Variants in MORN1 observed in about 807,000 individuals in gnomAD.
MORN1 encodes the protein MORN repeat containing 1, also known as MORN repeat-containing protein 1.
MORN1 carries 67 observed loss-of-function variants against 61.9 expected under a neutral mutation model. That is an observed-to-expected ratio of 1.08 (90% CI 0.89 to 1.33). MORN1 has a LOEUF of 1.33. MORN1 is among the 40% of genes most tolerant of loss of function. MORN1 has a pLI of 0.00. For synonymous variants in MORN1, 301 were observed against 292.0 expected (o/e 1.03, Z -0.31); for missense variants, 752 against 691.2 (o/e 1.09, Z -0.99).
At chr1:2,363,769 G>GA (rs57931639) in intron 8 of MORN1, 4 of 137,700 alleles carry the variant, frequency 2.9e-5, no homozygotes, top group African/African-American at 1.1e-4. Flanking sequence ...TCTCAAAAAA[G>GA]AAAAAATCAG....
chr1:2,325,289 T>TCC (rs757851446), intron 12 of MORN1, among the ~76,000 whole-genome samples: 1 of 138,184 alleles, frequency 7.2e-6, no homozygotes, highest in Non-Finnish European at 1.5e-5. Flanking sequence ...CTCTCTCTCC[T>TCC]CTCTCTCTCT....
chr1:2,357,465 G>T lies in MORN1; in HGVS notation c.1003C>A (p.His335Asn), dbSNP rs1557880285. 6.2e-7 allele frequency: 1 copy of T among 1,611,694 alleles called. No individual in the cohort carries two copies. Among genetic ancestry groups the T allele is most frequent in the African/African-American group, 1.3e-5 (1 of 74,838 alleles). Residue 335 changes from histidine to asparagine, a missense_variant, in exon 10 of 14, where the codon CAT (histidine) becomes AAT (asparagine). Transcript: ENST00000378531. The surrounding 1 kb of genome is among the most constrained non-coding windows in gnomAD (Gnocchi z 6.3). ...CCACCAGGGGTGTCCTCCTGGCCAT[G>T]GAGGGCACCCAAATGCAGCTCCAGG... ...GDLELHLGALHGQEDTPGGLL... is the reference protein window; with the variant it reads ...GDLELHLGALNGQEDTPGGLL...
chr1:2,322,664 C>T (rs1007774639), intron 13 of MORN1: 10 of 985,344 alleles, frequency 1.0e-5, no homozygotes, highest in African/African-American at 7.0e-5. Context: ...CCCTGGCGGG[C>T]GGAGGAAGAG....
intron 10 of MORN1, among the ~76,000 whole-genome samples, chr1:2,342,892 T>TTTTA (rs1428669057): frequency 3.2e-4 from 45 of 139,658 alleles, no homozygotes; most frequent in African/African-American, 9.9e-4. Flanking sequence ...TTTTATTTTA[T>TTTTA]TTTATTTTAT....
At chr1:2,329,559 C>T (rs188665591) in intron 12 of MORN1, among the ~76,000 whole-genome samples, 2 of 152,264 alleles carry the variant, frequency 1.3e-5, no homozygotes, top group East Asian at 1.9e-4. Context: ...AAGACCACAG[C>T]CAGGTGCAGC....
chr1:2,374,047 C>T (rs1041532944), intron 7 of MORN1, among the ~76,000 whole-genome samples: 10 of 152,164 alleles, frequency 6.6e-5, no homozygotes, highest in Admixed American at 1.3e-4. Context: ...ATTGAGAGGC[C>T]ACCCAGAGGC....
rs116550976 is a variant in MORN1 at position 2,372,561 on chromosome 1, G to T, written c.665C>A (p.Pro222Gln). 18,156 of 1,613,040 alleles carry T rather than the reference G, an allele frequency of 0.011. 152 individuals carry two copies. The highest frequency in any genetic ancestry group is 0.013 in the Non-Finnish European group (15,743 of 1,179,684). The part of the protein sequence containing the change: ...EQATRIVILG[P>Q]EVMEVAQGSP... ...CCCTTGGGCCACTTCCATCACCTCC[G>T]GACCCAAGATCACGATCCTCGTAGC... Residue 222 changes from proline (P) to glutamine (Q), a missense_variant, in exon 8 of 14, where the codon CCG becomes CAG. Physicochemically the swap from Pro to Gln is moderately conservative, Grantham distance 76 (BLOSUM62 -1). Transcript: ENST00000378531. The surrounding 1 kb of genome is among the most constrained non-coding windows in gnomAD (Gnocchi z 5.4).
Position 2,357,320 on chromosome 1 carries a change from G to A in MORN1, c.1036+112C>T. On this transcript the variant is annotated intron_variant, in intron 10 of 13. Coordinates refer to ENST00000378531, the MANE Select transcript of MORN1 (RefSeq NM_024848.3). The surrounding 1 kb of genome is among the most constrained non-coding windows in gnomAD (Gnocchi z 6.3). Reference sequence around the variant, plus strand: ...CACCCACGCGTGATGACTGACCCTGGGTGCGGCTTGCTCCTGCTCTGGCCT... The same window carrying A: ...CACCCACGCGTGATGACTGACCCTGAGTGCGGCTTGCTCCTGCTCTGGCCT... The A allele has an allele frequency of 8.4e-7, 1 of 1,196,548 alleles. No homozygotes were observed. Among genetic ancestry groups the A allele is most frequent in the East Asian group, 2.6e-5 (1 of 39,104 alleles). The allele number at this position is 1,196,548 out of a possible 1,614,324, so 74.1% of individuals were successfully genotyped here.
At chr1:2,347,347 G>A (rs1226196918) in intron 10 of MORN1, among the ~76,000 whole-genome samples, 3 of 152,192 alleles carry the variant, frequency 2.0e-5, no homozygotes, top group East Asian at 1.9e-4. Flanking sequence ...GGTGGCAGAT[G>A]GCCCGTGTGT....
chr1:2,358,990 C>G (rs1291714858), intron 8 of MORN1, among the ~76,000 whole-genome samples: 1 of 152,178 alleles, frequency 6.6e-6, no homozygotes, highest in Non-Finnish European at 1.5e-5. Flanking sequence ...GCCTCAGGTC[C>G]TGGATCCTGA....
intron 1 of MORN1, 66 bp from the exon 2 acceptor site, chr1:2,390,062 G>A: frequency 6.9e-7 from 1 of 1,452,612 alleles, no homozygotes; most frequent in East Asian, 2.3e-5. Flanking sequence ...CTCCAGTGCT[G>A]AAGGAGGGAG....
intron 10 of MORN1, among the ~76,000 whole-genome samples, chr1:2,355,999 C>T (rs1641755211): frequency 6.6e-6 from 1 of 152,214 alleles, no homozygotes; most frequent in Non-Finnish European, 1.5e-5. Context: ...TGGGAAGGGG[C>T]TGGCCCTGCC....
intron 10 of MORN1, chr1:2,355,238 C>A: frequency 2.8e-6 from 4 of 1,412,048 alleles, no homozygotes; most frequent in Non-Finnish European, 3.7e-6. Flanking sequence ...GGAACTGCTT[C>A]TATCAACTGA....
At chr1:2,327,243 CAGAA>C (rs1244130860) in intron 12 of MORN1, among the ~76,000 whole-genome samples, 3 of 150,010 alleles carry the variant, frequency 2.0e-5, no homozygotes, top group Non-Finnish European at 3.0e-5. Flanking sequence ...CAGAAACACA[CAGAA>C]ACACACAGAA....
chr1:2,357,311 C>A lies in MORN1; in HGVS notation c.1036+121G>T. 8.9e-7 allele frequency: 1 copy of A among 1,124,438 alleles called. No individual in the cohort carries two copies. The highest frequency in any genetic ancestry group is 1.3e-6 in the Non-Finnish European group (1 of 797,104). The allele number at this position is 1,124,438 out of a possible 1,614,324, so 69.7% of individuals were successfully genotyped here. A position where few individuals can be genotyped will look rare whatever the true frequency, so the allele number is the denominator to read the frequency against. On this transcript the variant is annotated intron_variant, in intron 10 of 13. Transcript: ENST00000378531. The surrounding 1 kb of genome is among the most constrained non-coding windows in gnomAD (Gnocchi z 6.3). ...GCCTCCTTTCACCCACGCGTGATGA[C>A]TGACCCTGGGTGCGGCTTGCTCCTG...
chr1:2,366,870 C>T (rs1361470428), intron 8 of MORN1, among the ~76,000 whole-genome samples: 1 of 152,056 alleles, frequency 6.6e-6, no homozygotes, highest in Non-Finnish European at 1.5e-5. Flanking sequence ...TTTCAATATG[C>T]TACTCTCAAT....
chr1:2,367,766 T>A (rs1244869580), intron 8 of MORN1, among the ~76,000 whole-genome samples: 1 of 151,952 alleles, frequency 6.6e-6, no homozygotes, highest in Non-Finnish European at 1.5e-5. Flanking sequence ...TAGCTGGGAC[T>A]ACAGGCACCC....
chr1:2,381,142 T>G (rs1642362830), intron 6 of MORN1, among the ~76,000 whole-genome samples: 1 of 152,236 alleles, frequency 6.6e-6, no homozygotes, highest in Non-Finnish European at 1.5e-5. Context: ...TGGTAATGTC[T>G]TCTTGCACAA....
chr1:2,326,527 T>C (rs957810594), intron 12 of MORN1: 7 of 152,200 alleles, frequency 4.6e-5, no homozygotes, highest in Admixed American at 2.0e-4. Flanking sequence ...CCGAGGCCAG[T>C]GTCCACAGGG....
Sources: allele counts gnomAD v4.1 joint callset (sites outside exome capture counted in the v4.1 genomes callset), GRCh38; gene constraint gnomAD v4.1.1; non-coding constraint Gnocchi (gnomAD v3.1); transcripts MANE v1.5; gene names NCBI Gene and HGNC (gene_info 2026-07-23, HGNC 2026-07-21).